APOBEC3F: variants seen among roughly 807,000 people sequenced by gnomAD.
APOBEC3F encodes the protein apolipoprotein B mRNA editing enzyme catalytic subunit 3F, also known as DNA dC->dU-editing enzyme APOBEC-3F.
Under a neutral mutation model 45.8 loss-of-function variants are expected in APOBEC3F, and 34 were observed. The ratio of observed to expected loss-of-function variants is 0.74; its 90% confidence interval spans 0.57 to 0.99. The LOEUF (loss-of-function observed/expected upper bound fraction) is 0.99, where lower values mean the gene tolerates loss of function less well. Ranked by LOEUF, APOBEC3F falls within the 50% of genes least tolerant of loss-of-function variation. The probability of loss-of-function intolerance (pLI) is 0.00; values close to 1 mark genes in which losing one functional copy is unlikely to be tolerated. For synonymous variants in APOBEC3F, 192 were observed against 174.4 expected, an observed-to-expected ratio of 1.10 and a Z score of -0.80; for missense variants, 459 against 474.1, an observed-to-expected ratio of 0.97 and a Z score of 0.30.
chr22:39,052,061 C>T lies in APOBEC3F; in HGVS notation c.724-13C>T. On this transcript the variant is annotated splice_polypyrimidine_tract_variant and intron_variant, in intron 5 of 6. Transcript: ENST00000308521. ...GTCTGAGCTCCCCTGCCCTCCTCCT[C>T]CTCCTTCCCCAGGTGGATCCTGAGA... 2 of 1,610,684 alleles carry T rather than the reference C, an allele frequency of 1.2e-6. No homozygotes were observed. The highest frequency in any genetic ancestry group is 1.7e-6 in the Non-Finnish European group (2 of 1,177,234).
At chr22:39,045,585 T>C (rs751284132) in intron 4 of APOBEC3F, 43 bp downstream of exon 4, 4 of 1,612,584 alleles carry the variant, frequency 2.5e-6, no homozygotes, top group South Asian at 1.1e-5. Context: ...TCCTCTCGCC[T>C]CCTGCTCATC....
intron 1 of APOBEC3F, among the ~76,000 whole-genome samples, chr22:39,041,905 A>T (rs542213529): frequency 6.6e-6 from 1 of 152,086 alleles, no homozygotes; most frequent in African/African-American, 2.4e-5. Context: ...AATATATGGG[A>T]AAAAAACTCA....
chr22:39,052,847 C>T lies in APOBEC3F; in HGVS notation c.*152C>T, dbSNP rs1927565540. 2.8e-6 allele frequency: 4 copies of T among 1,452,862 alleles called. No individual in the cohort carries two copies. The highest frequency in any genetic ancestry group is 3.6e-6 in the Non-Finnish European group (4 of 1,108,746). The allele number at this position is 1,452,862 out of a possible 1,614,324, so 90.0% of individuals were successfully genotyped here. On this transcript the variant is annotated 3_prime_UTR_variant, in exon 7 of 7. Coordinates refer to ENST00000308521, the MANE Select transcript of APOBEC3F (RefSeq NM_145298.6). The stretch of plus-strand genomic sequence containing the variant: ...ATTCCATAGTGCTCCCCTGCCTCAC[C>T]ACCTCCTCTCCGCTCTCCCAGGCTC...
chr22:39,055,087 T>TC lies in APOBEC3F; in HGVS notation c.*2392_*2393insC, dbSNP rs1927648593. 6.6e-6 allele frequency among the ~76,000 whole-genome samples: 1 copy of TC among 151,552 alleles called. No individual in the cohort carries two copies. The highest frequency in any genetic ancestry group is 1.9e-4 in the East Asian group (1 of 5,174). On this transcript the variant is annotated 3_prime_UTR_variant, in exon 7 of 7. Coordinates refer to ENST00000308521, the MANE Select transcript of APOBEC3F (RefSeq NM_145298.6). Reference sequence around the variant, plus strand: ...TCTGCTTCCAAATATCTTTTTTTTTTTTTTCAGACAGTTTTGCTCTTGTTT... The same window carrying TC: ...TCTGCTTCCAAATATCTTTTTTTTTTCTTTTCAGACAGTTTTGCTCTTGTTT...
Position 39,049,492 on chromosome 22 carries a change from G to A in APOBEC3F, c.634G>A (p.Gly212Ser). 2 of 1,614,056 alleles carry A rather than the reference G, an allele frequency of 1.2e-6. No individual in the cohort carries two copies. The highest frequency in any genetic ancestry group is 2.7e-5 in the African/African-American group (2 of 75,016). The change falls in exon 5 of 7, where the codon GGT becomes AGT. Residue 212 changes from glycine to serine, a missense_variant. Gly to Ser is a moderately conservative substitution (Grantham distance 56). Transcript: ENST00000308521. ...CTTTAAAAACCTACGCAAAGCCTAT[G>A]GTCGGAACGAAAGCTGGCTGTGCTT... is the stretch of plus-strand genomic sequence containing the variant. ...FHFKNLRKAY[G>S]RNESWLCFTM...
At position 39,053,018 on chromosome 22, in the gene APOBEC3F, G is replaced by C. The variant is rs866257376; in HGVS notation, c.*323G>C. 1.2e-4 allele frequency: 26 copies of C among 209,432 alleles called. No individual in the cohort carries two copies. Among genetic ancestry groups the C allele is most frequent in the Admixed American group, 3.5e-4 (6 of 17,132 alleles). 13.0% of individuals were successfully genotyped at this position (209,432 alleles called of 1,614,324 possible). The stretch of plus-strand genomic sequence containing the variant: ...TTTTTTTTTTTTGAGACGGAATTTC[G>C]CTCTGTCACCCAGACTGGAGTGCAA... On this transcript the variant is annotated 3_prime_UTR_variant, in exon 7 of 7. Coordinates refer to ENST00000308521, the MANE Select transcript of APOBEC3F (RefSeq NM_145298.6).
Position 39,042,951 on chromosome 22 carries a change from G to C in APOBEC3F, c.32G>C (p.Arg11Pro). 3.1e-6 allele frequency: 5 copies of C among 1,613,982 alleles called. No homozygotes were observed. Among genetic ancestry groups the C allele is most frequent in the Non-Finnish European group, 4.2e-6 (5 of 1,179,932 alleles). ...TGTGTCTTCAGAAACACAGTGGAGC[G>C]AATGTATCGAGACACATTCTCCTAC... Reference protein sequence around the residue: MKPHFRNTVERMYRDTFSYNF... With the variant: MKPHFRNTVEPMYRDTFSYNF... The change falls in exon 2 of 7, where the codon CGA (arginine) becomes CCA (proline). Residue 11 changes from arginine to proline, a missense_variant. Physicochemically the swap from Arg to Pro is moderately radical, Grantham distance 103. Transcript: ENST00000308521.
chr22:39,050,947 A>G (rs1446640547), intron 5 of APOBEC3F, among the ~76,000 whole-genome samples: 1 of 152,192 alleles, frequency 6.6e-6, no homozygotes, highest in East Asian at 1.9e-4. Context: ...AATAAAATAA[A>G]GAAGGAAGGG....
In APOBEC3F at chr22:39,052,135, T is replaced by A; in HGVS notation, c.785T>A (p.Ile262Lys). The A allele has an allele frequency of 6.2e-7, 1 of 1,613,728 alleles. No homozygotes were observed. Among genetic ancestry groups the A allele is most frequent in the East Asian group, 2.2e-5 (1 of 44,886 alleles). The change falls in exon 6 of 7, where the codon ATA becomes AAA. Residue 262 changes from isoleucine (I) to lysine (K), a missense_variant. Ile to Lys is a moderately radical substitution (Grantham distance 102, BLOSUM62 -3). Transcript: ENST00000308521. Reference sequence around the variant, plus strand: ...TTCCTCTCTTGGTTCTGTGACGACATACTGTCTCCTAACACAAACTACGAG... The same window carrying A: ...TTCCTCTCTTGGTTCTGTGACGACAAACTGTCTCCTAACACAAACTACGAG... Reference protein sequence around the residue: ...RCFLSWFCDDILSPNTNYEVT... With the variant: ...RCFLSWFCDDKLSPNTNYEVT...
chr22:39,046,281 C>A (rs1316212388), intron 4 of APOBEC3F, among the ~76,000 whole-genome samples: 2 of 152,202 alleles, frequency 1.3e-5, no homozygotes, highest in African/African-American at 4.8e-5. Flanking sequence ...GACCTGTCTC[C>A]AAATACAGTT....
intron 1 of APOBEC3F, 67 bp downstream of exon 1, chr22:39,041,044 C>T: frequency 6.4e-7 from 1 of 1,554,802 alleles, no homozygotes. Context: ...CTCTGCTGGG[C>T]GTCAGCCCTG....
chr22:39,046,871 G>C (rs1265792804), intron 4 of APOBEC3F, among the ~76,000 whole-genome samples: 1 of 152,052 alleles, frequency 6.6e-6, no homozygotes, highest in Non-Finnish European at 1.5e-5. Context: ...GATAATGGGA[G>C]GCTTGAGATG....
chr22:39,052,703 C>T lies in APOBEC3F; in HGVS notation c.*8C>T. The T allele has an allele frequency of 6.2e-7, 1 of 1,609,550 alleles. No homozygotes were observed. Among genetic ancestry groups the T allele is most frequent in the African/African-American group, 1.3e-5 (1 of 74,930 alleles). On this transcript the variant is annotated 3_prime_UTR_variant, in exon 7 of 7. Transcript: ENST00000308521. ...CAGGAGATTCTCGAGTGAGGGGTCT[C>T]CCCGGGCCTCATGGTCTGTCTCCTC...
intron 1 of APOBEC3F, among the ~76,000 whole-genome samples, chr22:39,042,600 T>G (rs564163450): frequency 6.6e-6 from 1 of 152,164 alleles, no homozygotes; most frequent in East Asian, 1.9e-4. Context: ...GCATGAGCCA[T>G]AATGTCCAGC....
rs568841847 is a variant in APOBEC3F, at chr22:39,050,825, A to C, written c.723+1244A>C. 9.9e-5 allele frequency among the ~76,000 whole-genome samples: 15 copies of C among 152,268 alleles called. No homozygotes were observed. In the East Asian group the frequency reaches 1.9e-3, roughly 20 times the overall value. ...GCAGAAGGCAGACAGGGGACAAGGC[A>C]GACCCCATAGGACCAGGCCACAGCA... On this transcript the variant is annotated intron_variant, in intron 5 of 6. Transcript: ENST00000308521.
At chr22:39,044,002 G>A in intron 2 of APOBEC3F, 1 of 1,455,108 alleles carries the variant, frequency 6.9e-7, no homozygotes, top group Non-Finnish European at 9.1e-7. Flanking sequence ...TCCAGCCTGG[G>A]CAACAAGAGT....
intron 1 of APOBEC3F, 75 bp downstream of exon 1, chr22:39,041,052 C>T (rs36070309): frequency 1.3e-5 from 20 of 1,550,130 alleles, no homozygotes; most frequent in Admixed American, 5.9e-5. Flanking sequence ...GGCGTCAGCC[C>T]TGGCCTCCCC....
intron 3 of APOBEC3F, 98 bp from the exon 4 acceptor site, chr22:39,045,330 G>A (rs1005721695): frequency 4.4e-6 from 7 of 1,604,144 alleles, no homozygotes; most frequent in African/African-American, 4.0e-5. Flanking sequence ...CAGGGGCGGG[G>A]CCAGCACTGA....
At chr22:39,051,549 AAAG>A (rs1927487684) in intron 5 of APOBEC3F, among the ~76,000 whole-genome samples, 1 of 151,836 alleles carries the variant, frequency 6.6e-6, no homozygotes, top group African/African-American at 2.4e-5. Context: ...AAAAAAAAAA[AAAG>A]AAAGAAAAAG....
Sources: allele counts gnomAD v4.1 joint callset (sites outside exome capture counted in the v4.1 genomes callset), GRCh38; gene constraint gnomAD v4.1.1; transcripts MANE v1.5; gene names NCBI Gene and HGNC (gene_info 2026-07-23, HGNC 2026-07-21).